Variants in NCAM2 observed in about 807,000 individuals in gnomAD.
NCAM2 encodes neural cell adhesion molecule 2, also known as N-CAM-2.
NCAM2 carries 30 observed loss-of-function variants against 98.1 expected under a neutral mutation model. That is an observed-to-expected ratio of 0.31 (90% CI 0.23 to 0.41). The LOEUF is 0.41. Among genes scored for constraint, NCAM2 ranks in the 10% least tolerant of loss-of-function variants. The pLI is 1.00. For synonymous variants in NCAM2, 368 were observed against 342.4 expected (o/e 1.07, Z -0.83); for missense variants, 867 against 1,005.8 (o/e 0.86, Z 1.87).
rs117599743 is a variant in NCAM2 at position 21,101,605 on chromosome 21, C to T, written c.55+102987C>T. On this transcript the variant is annotated intron_variant, in intron 1 of 17. Transcript: ENST00000400546. ...TGATTTAGTAAACATGGCACAGTGG[C>T]CGTACAGATAAAAACAGCAAGTTTT... Among the ~76,000 whole-genome samples, 959 of 152,032 alleles carry T rather than the reference C, an allele frequency of 6.3e-3. 9 individuals carry two copies. The highest frequency in any genetic ancestry group is 0.033 in the East Asian group (169 of 5,152).
At chr21:21,037,884 G>T (rs980552272) in intron 1 of NCAM2, among the ~76,000 whole-genome samples, 2 of 152,142 alleles carry the variant, frequency 1.3e-5, no homozygotes, top group East Asian at 3.9e-4. Flanking sequence ...TTTTGATAGT[G>T]TTGAAGCAGA....
At chr21:21,163,595 A>C (rs1035570114) in intron 1 of NCAM2, among the ~76,000 whole-genome samples, 3 of 152,146 alleles carry the variant, frequency 2.0e-5, no homozygotes, top group Non-Finnish European at 4.4e-5. Context: ...TTAATGAATT[A>C]GATCTTTTAA....
At chr21:21,049,476 A>G (rs1465751430) in intron 1 of NCAM2, among the ~76,000 whole-genome samples, 1 of 6,164 alleles carries the variant, frequency 1.6e-4, no homozygotes, top group Non-Finnish European at 3.0e-4. Context: ...TTGCCTAATA[A>G]AAAGAGCATG....
intron 1 of NCAM2, among the ~76,000 whole-genome samples, chr21:21,138,383 C>G (rs896577095): frequency 6.6e-6 from 1 of 152,126 alleles, no homozygotes; most frequent in Non-Finnish European, 1.5e-5. Flanking sequence ...TGTGTTTGAC[C>G]TGTCGTTTCT....
intron 1 of NCAM2, among the ~76,000 whole-genome samples, chr21:21,157,559 C>G (rs2067652542): frequency 6.6e-6 from 1 of 151,984 alleles, no homozygotes; most frequent in African/African-American, 2.4e-5. Context: ...TGTACATTGT[C>G]AAATAAATGA....
chr21:21,092,280 T>C (rs990737092), intron 1 of NCAM2, among the ~76,000 whole-genome samples: 39 of 152,070 alleles, frequency 2.6e-4, no homozygotes, highest in Middle Eastern at 6.3e-3. Flanking sequence ...CTCTGAAATA[T>C]CATTAATCTA....
At chr21:21,106,859 T>C (rs1373711087) in intron 1 of NCAM2, among the ~76,000 whole-genome samples, 1 of 152,112 alleles carries the variant, frequency 6.6e-6, no homozygotes, top group African/African-American at 2.4e-5. Context: ...TAACATGATA[T>C]TTTTGTTCTG....
chr21:21,316,468 A>C (rs918375046), intron 5 of NCAM2, among the ~76,000 whole-genome samples: 4 of 151,684 alleles, frequency 2.6e-5, no homozygotes, highest in Non-Finnish European at 4.4e-5. Context: ...TAAAATGACC[A>C]GTTTTAAAAA....
intron 8 of NCAM2, among the ~76,000 whole-genome samples, chr21:21,371,153 G>C (rs573150375): frequency 6.6e-6 from 1 of 151,884 alleles, no homozygotes; most frequent in East Asian, 1.9e-4. Context: ...TAATAGTAAA[G>C]AGAAGAAACT....
In NCAM2 at chr21:21,524,489, A is replaced by C. The variant is rs185770226; in HGVS notation, c.2283-10048A>C. On this transcript the variant is annotated intron_variant, in intron 16 of 17. Coordinates refer to ENST00000400546, the MANE Select transcript of NCAM2 (RefSeq NM_004540.5). ...AGGTTGCTGTGAGCTGAGATCGGGC[A>C]ATTGCACTCCAGCCTATACAACAAG... 1.2e-3 allele frequency among the ~76,000 whole-genome samples: 188 copies of C among 151,554 alleles called. 1 individual carries two copies. The highest frequency in any genetic ancestry group is 4.0e-3 in the South Asian group (19 of 4,782).
At chr21:21,291,566 C>T (rs2826771) in intron 4 of NCAM2, among the ~76,000 whole-genome samples, 25,610 of 151,478 alleles carry the variant, frequency 0.17, 2,261 homozygotes, top group Non-Finnish European at 0.2. Flanking sequence ...ATCTTATTAG[C>T]CAAAAAAATC....
intron 1 of NCAM2, among the ~76,000 whole-genome samples, chr21:21,001,583 A>T (rs1460543958): frequency 1.3e-5 from 2 of 152,112 alleles, no homozygotes; most frequent in Non-Finnish European, 2.9e-5. Flanking sequence ...GTATGTATGG[A>T]TTGCTTTCGT....
At chr21:21,425,619 C>T (rs2077199690) in intron 11 of NCAM2, among the ~76,000 whole-genome samples, 1 of 150,640 alleles carries the variant, frequency 6.6e-6, no homozygotes, top group South Asian at 2.1e-4. Flanking sequence ...TGGACAACTT[C>T]AGTTTAATTC....
chr21:21,416,499 A>T (rs993472790), intron 10 of NCAM2, among the ~76,000 whole-genome samples: 1 of 139,310 alleles, frequency 7.2e-6, no homozygotes, highest in Non-Finnish European at 1.6e-5. Flanking sequence ...TTTGTGAAAA[A>T]AAAAAAGAAA....
intron 5 of NCAM2, among the ~76,000 whole-genome samples, chr21:21,293,851 A>G (rs781348521): frequency 8.6e-5 from 13 of 151,696 alleles, no homozygotes; most frequent in Non-Finnish European, 1.9e-4. Context: ...TTAAGTACGT[A>G]CTTATGAAAA....
intron 1 of NCAM2, among the ~76,000 whole-genome samples, chr21:21,077,576 A>G (rs528531741): frequency 6.6e-6 from 1 of 152,164 alleles, no homozygotes; most frequent in South Asian, 2.1e-4. Context: ...CTTTGCTTTC[A>G]TGTTAGCAAT....
chr21:21,362,848 C>A (rs2075683572), intron 8 of NCAM2, among the ~76,000 whole-genome samples: 1 of 152,048 alleles, frequency 6.6e-6, no homozygotes, highest in East Asian at 1.9e-4. Context: ...TTGTTGGATT[C>A]TTTAGATAAA....
chr21:21,385,371 A>ACACACAC (rs2076245325), intron 9 of NCAM2, among the ~76,000 whole-genome samples: 1 of 110,158 alleles, frequency 9.1e-6, no homozygotes, highest in African/African-American at 3.3e-5. Flanking sequence ...CACAATGTTA[A>ACACACAC]ACACACACAC....
chr21:21,383,402 T>C (rs574097625), intron 9 of NCAM2, among the ~76,000 whole-genome samples: 7 of 152,224 alleles, frequency 4.6e-5, no homozygotes, highest in Non-Finnish European at 1.0e-4. Flanking sequence ...ACATTATGTA[T>C]GCTTTTTTCC....
Sources: gnomAD v4.1 joint callset for allele counts (sites outside exome capture counted in the v4.1 genomes callset) on GRCh38, gnomAD v4.1.1 for gene constraint, MANE v1.5 for transcripts, NCBI Gene and HGNC (gene_info 2026-07-23, HGNC 2026-07-21) for gene names.